Variants in COL24A1 observed in about 807,000 individuals in gnomAD.
COL24A1 encodes collagen type XXIV alpha 1 chain.
Under a neutral mutation model 253.9 loss-of-function variants are expected in COL24A1, and 224 were observed. The observed-to-expected ratio is 0.88, with a 90% CI of 0.79 to 0.99. The LOEUF (loss-of-function observed/expected upper bound fraction) is 0.99. Ranked by LOEUF, COL24A1 falls within the 50% of genes least tolerant of loss-of-function variation. The probability of loss-of-function intolerance (pLI) is 0.00; values close to 1 mark genes in which losing one functional copy is unlikely to be tolerated. For synonymous variants in COL24A1, 685 were observed against 673.7 expected, an observed-to-expected ratio of 1.02 and a Z score of -0.26; for missense variants, 2,131 against 2,068.5, an observed-to-expected ratio of 1.03 and a Z score of -0.59.
chr1:85,829,211 G>T (rs1358603596), intron 43 of COL24A1, among the ~76,000 whole-genome samples: 1 of 151,330 alleles, frequency 6.6e-6, no homozygotes, highest in Non-Finnish European at 1.5e-5. Context: ...ATGAAATTCT[G>T]GGTTGAAAAT....
At chr1:85,891,217 A>ATTTTTTTTTTT (rs138122213) in intron 31 of COL24A1, among the ~76,000 whole-genome samples, 4 of 127,108 alleles carry the variant, frequency 3.1e-5, no homozygotes, top group East Asian at 2.3e-4. Flanking sequence ...CGCCCGGCTA[A>ATTTTTTTTTTT]TTTTTTTTTT....
intron 5 of COL24A1, among the ~76,000 whole-genome samples, chr1:86,093,882 GA>G (rs1187732755): frequency 2.0e-5 from 3 of 152,060 alleles, no homozygotes; most frequent in Non-Finnish European, 4.4e-5. Context: ...ACAAGCATAT[GA>G]AAAAAATCTC....
chr1:85,882,637 T>TA (rs1681996267), intron 32 of COL24A1, among the ~76,000 whole-genome samples: 2 of 152,170 alleles, frequency 1.3e-5, no homozygotes, highest in African/African-American at 2.4e-5. Context: ...CTAGTTGACT[T>TA]ACGGTACTAA....
At chr1:86,141,702 CTTTT>C (rs1230061696) in intron 2 of COL24A1, among the ~76,000 whole-genome samples, 2 of 142,232 alleles carry the variant, frequency 1.4e-5, no homozygotes, top group Non-Finnish European at 3.1e-5. Flanking sequence ...TAGTGTCTTA[CTTTT>C]TTTTTTTTTT....
intron 14 of COL24A1, 122 bp downstream of exon 14, chr1:86,031,756 G>A: frequency 3.0e-6 from 2 of 656,680 alleles, no homozygotes; most frequent in Middle Eastern, 5.8e-4. Flanking sequence ...ATTTAATCAA[G>A]GTTGATAACC....
chr1:85,885,015 C>G (rs1009572995), intron 32 of COL24A1, among the ~76,000 whole-genome samples: 1 of 152,028 alleles, frequency 6.6e-6, no homozygotes, highest in Non-Finnish European at 1.5e-5. Flanking sequence ...CCTACTGTCC[C>G]GGTGTGGGCT....
At chr1:85,829,962 G>T (rs1674964350) in intron 43 of COL24A1, among the ~76,000 whole-genome samples, 2 of 152,074 alleles carry the variant, frequency 1.3e-5, no homozygotes, top group South Asian at 4.1e-4. Context: ...TCTGTTGCTG[G>T]TGAGGAACTG....
intron 19 of COL24A1, among the ~76,000 whole-genome samples, chr1:86,000,598 C>T (rs78096023): frequency 0.017 from 2,583 of 152,246 alleles, 31 homozygotes; most frequent in Middle Eastern, 0.068. Flanking sequence ...TAGCTTATTC[C>T]AGTTAAGTCC....
chr1:85,854,953 C>T (rs1011231567), intron 37 of COL24A1, among the ~76,000 whole-genome samples: 19 of 152,204 alleles, frequency 1.2e-4, no homozygotes, highest in African/African-American at 3.4e-4. Context: ...CCACCTGCCT[C>T]GGCCTCCCAA....
chr1:85,888,528 G>C (rs1489610260), intron 32 of COL24A1, among the ~76,000 whole-genome samples: 4 of 151,946 alleles, frequency 2.6e-5, no homozygotes, highest in Admixed American at 6.6e-5. Context: ...GACTTTTTAG[G>C]GGATATACTT....
intron 24 of COL24A1, among the ~76,000 whole-genome samples, chr1:85,944,557 G>C (rs1689060882): frequency 6.6e-6 from 1 of 151,812 alleles, no homozygotes; most frequent in African/African-American, 2.4e-5. Context: ...GTACTTCACA[G>C]GTAGGACAGA....
intron 57 of COL24A1, among the ~76,000 whole-genome samples, chr1:85,743,960 A>G (rs1003917415): frequency 6.6e-6 from 1 of 152,092 alleles, no homozygotes; most frequent in South Asian, 2.1e-4. Flanking sequence ...TAAAATGACC[A>G]CAGAATAACA....
chr1:86,043,226 C>T (rs1323976133), intron 12 of COL24A1, among the ~76,000 whole-genome samples: 1 of 152,048 alleles, frequency 6.6e-6, no homozygotes, highest in East Asian at 1.9e-4. Flanking sequence ...GAATCATACT[C>T]CATGCTCATA....
chr1:86,016,480 ATGTG>A (rs370656511), intron 19 of COL24A1, among the ~76,000 whole-genome samples: 1 of 151,892 alleles, frequency 6.6e-6, no homozygotes, highest in Non-Finnish European at 1.5e-5. Context: ...GCTTGCGTGT[ATGTG>A]TGTGTGTGTA....
rs536777966 is a variant in COL24A1 at position 86,024,339 on chromosome 1, T to A, written c.2050-1332A>T. 3.9e-5 allele frequency among the ~76,000 whole-genome samples: 6 copies of A among 152,260 alleles called. No homozygotes were observed. The South Asian group carries it at 8.3e-4, about 21-fold the overall frequency. ...GGAAACACGTTTCATTCATTTTTTT[T>A]ATTTCCCAGACCCAACATAATAACT... On this transcript the variant is annotated intron_variant, in intron 14 of 59. Coordinates refer to ENST00000370571, the MANE Select transcript of COL24A1 (RefSeq NM_152890.7).
intron 47 of COL24A1, among the ~76,000 whole-genome samples, chr1:85,812,625 G>A (rs1282632163): frequency 6.6e-6 from 1 of 152,114 alleles, no homozygotes; most frequent in Non-Finnish European, 1.5e-5. Context: ...GAAGGTCCGA[G>A]GAAGATAAAT....
chr1:85,896,452 C>CTT, intron 28 of COL24A1, 43 bp from the exon 29 acceptor site: 1 of 1,486,084 alleles, frequency 6.7e-7, no homozygotes, highest in Non-Finnish European at 9.3e-7. Flanking sequence ...TGAAATGTTC[C>CTT]TTTTTTTTTC....
At chr1:85,875,929 A>G (rs1681113240) in intron 33 of COL24A1, among the ~76,000 whole-genome samples, 1 of 152,046 alleles carries the variant, frequency 6.6e-6, no homozygotes, top group Non-Finnish European at 1.5e-5. Flanking sequence ...TCTCCAAGAG[A>G]TATTTACCTT....
chr1:85,823,682 T>C lies in COL24A1; in HGVS notation c.3735+3A>G. The C allele has an allele frequency of 6.2e-7, 1 of 1,613,882 alleles. No homozygotes were observed. The highest frequency in any genetic ancestry group is 1.7e-4 in the Middle Eastern group (1 of 6,052). ...TTTTAGAAATAATGCTTTCAAAACA[T>C]ACTGGGGGTCCTTGTTGTCCAGTGG... On this transcript the variant is annotated splice_donor_region_variant and intron_variant, in intron 44 of 59. Transcript: ENST00000370571.
Sources: gnomAD v4.1 joint callset for allele counts (sites outside exome capture counted in the v4.1 genomes callset) on GRCh38, gnomAD v4.1.1 for gene constraint, MANE v1.5 for transcripts, NCBI Gene and HGNC (gene_info 2026-07-23, HGNC 2026-07-21) for gene names.